CDH13: variants seen among roughly 807,000 people sequenced by gnomAD.
CDH13 encodes the protein cadherin-13.
A neutral mutation model predicts 63.8 loss-of-function variants in CDH13; 24 were observed. The ratio of observed to expected loss-of-function variants is 0.38; its 90% CI spans 0.27 to 0.53. The LOEUF is 0.53. CDH13 is among the 20% of genes least tolerant of loss of function. CDH13 has a pLI of 0.85. For missense variants in CDH13, 1,049 were observed against 903.1 expected, an observed-to-expected ratio of 1.16 and a Z score of -2.07; for synonymous variants, 503 against 355.3, an observed-to-expected ratio of 1.42 and a Z score of -4.67.
At chr16:83,504,448 C>G (rs2074351918) in intron 7 of CDH13, among the ~76,000 whole-genome samples, 1 of 152,222 alleles carries the variant, frequency 6.6e-6, no homozygotes. Context: ...CCAGAAGACA[C>G]TCAGCCTGTC....
intron 6 of CDH13, among the ~76,000 whole-genome samples, chr16:83,448,787 T>G (rs961708778): frequency 5.9e-5 from 9 of 151,504 alleles, no homozygotes; most frequent in African/African-American, 2.2e-4. Context: ...GAATAGAAAA[T>G]AGAGATTTGG....
intron 13 of CDH13, among the ~76,000 whole-genome samples, chr16:83,788,465 A>ATT (rs11320143): frequency 8.0e-5 from 12 of 150,062 alleles, no homozygotes; most frequent in African/African-American, 3.0e-4. Context: ...TAAACATTGA[A>ATT]TTTTTTTTTT....
chr16:82,815,267 C>T (rs1222749592), intron 1 of CDH13, among the ~76,000 whole-genome samples: 3 of 152,126 alleles, frequency 2.0e-5, no homozygotes, highest in Non-Finnish European at 4.4e-5. Context: ...CGAGTGTGGA[C>T]ATCCACATCA....
intron 7 of CDH13, among the ~76,000 whole-genome samples, chr16:83,593,757 C>G (rs1441169235): frequency 4.6e-5 from 7 of 151,976 alleles, no homozygotes; most frequent in Non-Finnish European, 7.4e-5. Flanking sequence ...AATTTTATCT[C>G]CCAGGCAGAG....
At chr16:83,215,094 T>TTTTTTTTTTTC (rs71148820) in intron 4 of CDH13, among the ~76,000 whole-genome samples, 1 of 143,964 alleles carries the variant, frequency 6.9e-6, no homozygotes, top group Non-Finnish European at 1.5e-5. Flanking sequence ...TTTTTTTTTT[T>TTTTTTTTTTTC]GAGATGGAGT....
intron 6 of CDH13, among the ~76,000 whole-genome samples, chr16:83,419,906 C>T (rs1011335714): frequency 7.3e-6 from 1 of 137,050 alleles, no homozygotes; most frequent in African/African-American, 2.7e-5. Flanking sequence ...TTCTCTGAAT[C>T]GTCCAATCTT....
intron 7 of CDH13, among the ~76,000 whole-genome samples, chr16:83,498,090 G>A (rs561990640): frequency 1.1e-3 from 163 of 152,296 alleles, no homozygotes; most frequent in Non-Finnish European, 1.8e-3. Flanking sequence ...ACGAAAAAGT[G>A]CCATCTAGAC....
At chr16:82,925,943 A>T (rs746512265) in intron 2 of CDH13, 1 of 152,208 alleles carries the variant, frequency 6.6e-6, no homozygotes, top group Non-Finnish European at 1.5e-5. Flanking sequence ...CATTTTAAAA[A>T]ATTCAGCAAA....
chr16:83,030,139 C>G (rs918989334), intron 2 of CDH13, among the ~76,000 whole-genome samples: 1 of 152,170 alleles, frequency 6.6e-6, no homozygotes, highest in Non-Finnish European at 1.5e-5. Flanking sequence ...CTTCCCTATT[C>G]CTTCCCACAC....
intron 8 of CDH13, among the ~76,000 whole-genome samples, chr16:83,647,374 G>A (rs1468604960): frequency 1.3e-5 from 2 of 151,378 alleles, no homozygotes; most frequent in Middle Eastern, 3.2e-3. Context: ...AGGAAGTACC[G>A]TGTTGCTCAC....
intron 7 of CDH13, among the ~76,000 whole-genome samples, chr16:83,539,976 A>G (rs2075269061): frequency 1.3e-5 from 2 of 152,184 alleles, no homozygotes. Flanking sequence ...ACTTTAGATA[A>G]AATTCTCTTG....
chr16:82,766,671 C>T (rs1333517422), intron 1 of CDH13, among the ~76,000 whole-genome samples: 3 of 152,144 alleles, frequency 2.0e-5, no homozygotes, highest in Admixed American at 2.0e-4. Flanking sequence ...ATGTCTTTAC[C>T]ATATATCATT....
intron 2 of CDH13, chr16:82,884,439 T>A: frequency 3.2e-6 from 1 of 308,364 alleles, no homozygotes; most frequent in South Asian, 3.0e-5. Flanking sequence ...AGATGCTTAG[T>A]TAACAGCAGC....
intron 3 of CDH13, among the ~76,000 whole-genome samples, chr16:83,071,713 G>A: frequency 6.6e-6 from 1 of 152,190 alleles, no homozygotes; most frequent in Non-Finnish European, 1.5e-5. Flanking sequence ...AGAAGACTAT[G>A]TGGAGAAAAT....
intron 2 of CDH13, among the ~76,000 whole-genome samples, chr16:82,950,463 AC>A (rs1366380984): frequency 6.6e-6 from 1 of 152,024 alleles, no homozygotes; most frequent in Non-Finnish European, 1.5e-5. Flanking sequence ...GGTGGTTTCT[AC>A]CATACTGTTC....
intron 1 of CDH13, among the ~76,000 whole-genome samples, chr16:82,710,234 T>C (rs953852649): frequency 1.4e-5 from 2 of 145,956 alleles, no homozygotes; most frequent in Non-Finnish European, 3.0e-5. Flanking sequence ...TTCATAAATT[T>C]ATATATAAAT....
intron 2 of CDH13, among the ~76,000 whole-genome samples, chr16:83,027,606 T>C (rs532820517): frequency 6.0e-4 from 91 of 152,290 alleles, no homozygotes; most frequent in African/African-American, 2.0e-3. Flanking sequence ...TGTTTTGCAA[T>C]GAAGATCCAT....
intron 7 of CDH13, among the ~76,000 whole-genome samples, chr16:83,565,237 T>C (rs541548122): frequency 5.3e-5 from 8 of 152,180 alleles, no homozygotes; most frequent in Admixed American, 3.9e-4. Context: ...ATTGCCCTCA[T>C]AGTACCCTGA....
chr16:83,090,406 T>C (rs986921148), intron 3 of CDH13, among the ~76,000 whole-genome samples: 2 of 151,884 alleles, frequency 1.3e-5, no homozygotes, highest in African/African-American at 4.8e-5. Flanking sequence ...AGACCCTGTC[T>C]CTACTAAAAA....
Sources: gnomAD v4.1 joint callset for allele counts (sites outside exome capture counted in the v4.1 genomes callset) on GRCh38, gnomAD v4.1.1 for gene constraint, MANE v1.5 for transcripts, NCBI Gene and HGNC (gene_info 2026-07-23, HGNC 2026-07-21) for gene names.